The following PRKN variants were observed in gnomAD, a reference collection of about 807,000 sequenced individuals.
PRKN encodes the protein parkin RBR E3 ubiquitin protein ligase.
PRKN carries 56 observed loss-of-function variants against 59.5 expected under a neutral mutation model. That is an observed-to-expected ratio of 0.94 (90% CI 0.76 to 1.18). PRKN has a LOEUF of 1.18. Among genes scored for constraint, PRKN ranks in the 50% most tolerant of loss-of-function variants. PRKN has a pLI of 0.00. For synonymous variants in PRKN, 250 were observed against 222.1 expected (o/e 1.13, Z -1.12); for missense variants, 657 against 596.4 (o/e 1.10, Z -1.06).
In PRKN at chr6:161,485,591, G is replaced by A. The variant is rs550038668; in HGVS notation, c.1083+63263C>T. Among the ~76,000 whole-genome samples, 14 of 152,240 alleles carry A rather than the reference G, an allele frequency of 9.2e-5. No homozygotes were observed. In the East Asian group the frequency reaches 2.3e-3, roughly 25 times the overall value. The stretch of plus-strand genomic sequence containing the variant: ...AGGGGGTCAAAGTTTAGAGGAATAC[G>A]AAGATGTTTCTAAAATTTAGATGCA... On this transcript the variant is annotated intron_variant, in intron 9 of 11. Transcript: ENST00000366898.
rs1466443645 is a variant in PRKN, at chr6:161,487,226, AG to A, written c.1083+61627del. On this transcript the variant is annotated intron_variant, in intron 9 of 11. Transcript: ENST00000366898. This position sits in a 1 kb window ranked among gnomAD's most constrained non-coding sequence, Gnocchi z 5.3. ...AGTCCTATCCCTCAACCCTTTTTAC[AG>A]GAGAAGACATTGAGGCATAGACCCA... Among the ~76,000 whole-genome samples, 1 of 152,236 alleles carries A rather than the reference AG, an allele frequency of 6.6e-6. No individual in the cohort carries two copies. The highest frequency in any genetic ancestry group is 1.5e-5 in the Non-Finnish European group (1 of 68,036).
intron 1 of PRKN, among the ~76,000 whole-genome samples, chr6:162,673,708 C>T (rs1024232214): frequency 6.6e-6 from 1 of 151,966 alleles, no homozygotes; most frequent in Non-Finnish European, 1.5e-5. Flanking sequence ...AAATGTAAAT[C>T]AAAGTAAGAG....
intron 5 of PRKN, among the ~76,000 whole-genome samples, chr6:162,043,828 A>G (rs1784154331): frequency 6.6e-6 from 1 of 152,236 alleles, no homozygotes; most frequent in African/African-American, 2.4e-5. Flanking sequence ...ATTTCTAGCG[A>G]TTATAGATAA....
intron 1 of PRKN, among the ~76,000 whole-genome samples, chr6:162,619,386 T>C (rs991153964): frequency 6.6e-6 from 1 of 151,942 alleles, no homozygotes; most frequent in African/African-American, 2.4e-5. Context: ...GACCTCGCAA[T>C]CCGCCCGCCT....
intron 9 of PRKN, among the ~76,000 whole-genome samples, chr6:161,532,767 T>C (rs1475260602): frequency 1.3e-5 from 2 of 152,202 alleles, no homozygotes; most frequent in Non-Finnish European, 2.9e-5. Context: ...CACTGGTGCA[T>C]GCACGTGGAT....
chr6:162,051,295 G>A (rs4599606), intron 5 of PRKN, among the ~76,000 whole-genome samples: 70,064 of 151,952 alleles, frequency 0.46, 17,310 homozygotes, highest in Middle Eastern at 0.55. Flanking sequence ...CTTCAGCCAC[G>A]CTCAGGCCTT....
intron 5 of PRKN, among the ~76,000 whole-genome samples, chr6:162,041,012 C>T (rs1239857383): frequency 1.3e-5 from 2 of 151,628 alleles, no homozygotes; most frequent in African/African-American, 2.4e-5. Flanking sequence ...TGGTGAAATC[C>T]CATCTCTACT....
At position 161,561,559 on chromosome 6, in the gene PRKN, T is replaced by C. The variant is rs2024587; in HGVS notation, c.933+7796A>G. Among the ~76,000 whole-genome samples the C allele has an allele frequency of 0.4, 61,335 of 151,970 alleles. 13,279 individuals are homozygous for C. The highest frequency in any genetic ancestry group is 0.56 in the African/African-American group (23,394 of 41,438). On this transcript the variant is annotated intron_variant, in intron 8 of 11. Transcript: ENST00000366898. This position sits in a 1 kb window ranked among gnomAD's most constrained non-coding sequence, Gnocchi z 5.0. The stretch of plus-strand genomic sequence containing the variant: ...TCTCCTCTTCACATCCCTGCAACTA[T>C]GAACACACCTGCACCTGCACTCACC...
At chr6:162,232,250 G>A (rs545825053) in intron 3 of PRKN, among the ~76,000 whole-genome samples, 2 of 152,126 alleles carry the variant, frequency 1.3e-5, no homozygotes, top group Non-Finnish European at 2.9e-5. Flanking sequence ...CACTGTTGCT[G>A]ACCTGCAGTG....
intron 9 of PRKN, among the ~76,000 whole-genome samples, chr6:161,441,889 G>A (rs931387514): frequency 2.6e-5 from 4 of 152,136 alleles, no homozygotes; most frequent in East Asian, 1.9e-4. Flanking sequence ...TGAGAAGAGC[G>A]TCTGGCGGCT....
At chr6:162,135,311 C>T (rs1320725204) in intron 4 of PRKN, among the ~76,000 whole-genome samples, 2 of 151,866 alleles carry the variant, frequency 1.3e-5, no homozygotes, top group East Asian at 1.9e-4. Context: ...TAAAACACCG[C>T]GATTAAAGGC....
intron 2 of PRKN, among the ~76,000 whole-genome samples, chr6:162,297,659 A>G (rs1388556646): frequency 2.6e-5 from 4 of 152,134 alleles, no homozygotes; most frequent in Non-Finnish European, 5.9e-5. Flanking sequence ...TCAGAGTAAC[A>G]GAAAAAAAAT....
chr6:161,928,155 T>C (rs1448830601), intron 6 of PRKN, among the ~76,000 whole-genome samples: 1 of 152,200 alleles, frequency 6.6e-6, no homozygotes, highest in Non-Finnish European at 1.5e-5. Context: ...AGAAGAGAGC[T>C]CTCAGCAGAG....
chr6:161,679,018 G>A (rs957646471), intron 7 of PRKN, among the ~76,000 whole-genome samples: 4 of 152,188 alleles, frequency 2.6e-5, no homozygotes, highest in Admixed American at 2.6e-4. Context: ...GCACATGCAT[G>A]TGTGTGCAGG....
At chr6:162,418,630 G>GTGTGTGTGTGTGTGTGTA (rs1788774401) in intron 2 of PRKN, among the ~76,000 whole-genome samples, 1 of 150,126 alleles carries the variant, frequency 6.7e-6, no homozygotes, top group African/African-American at 2.5e-5. Context: ...GTGTGTGTGT[G>GTGTGTGTGTGTGTGTGTA]TGTGTGTGTG....
chr6:162,276,257 T>C (rs938065559), intron 2 of PRKN, among the ~76,000 whole-genome samples: 2 of 152,164 alleles, frequency 1.3e-5, no homozygotes, highest in Non-Finnish European at 2.9e-5. Flanking sequence ...ATCGTGAAAA[T>C]GAAATGATTA....
intron 3 of PRKN, among the ~76,000 whole-genome samples, chr6:162,244,585 C>A (rs1779123229): frequency 6.6e-6 from 1 of 151,896 alleles, no homozygotes; most frequent in Non-Finnish European, 1.5e-5. Context: ...TGCATTCACG[C>A]CAAATGAACA....
intron 5 of PRKN, among the ~76,000 whole-genome samples, chr6:162,022,324 T>C (rs1265332203): frequency 6.6e-6 from 1 of 152,294 alleles, no homozygotes; most frequent in African/African-American, 2.4e-5. Context: ...AAGCACTCCC[T>C]TTTCTCTACA....
chr6:161,808,254 ATAT>A (rs1348727904), intron 6 of PRKN, among the ~76,000 whole-genome samples: 9 of 152,250 alleles, frequency 5.9e-5, no homozygotes, highest in South Asian at 4.1e-4. Flanking sequence ...TCAATTTAAA[ATAT>A]TATTTTTATT....
Sources: allele counts gnomAD v4.1 joint callset (sites outside exome capture counted in the v4.1 genomes callset), GRCh38; gene constraint gnomAD v4.1.1; non-coding constraint Gnocchi (gnomAD v3.1); transcripts MANE v1.5; gene names NCBI Gene and HGNC (gene_info 2026-07-23, HGNC 2026-07-21).